The following PPP2CB variants were observed in gnomAD, a reference collection of about 807,000 sequenced individuals.
PPP2CB encodes the protein protein phosphatase 2 catalytic subunit beta.
A neutral mutation model predicts 39.1 loss-of-function variants in PPP2CB; 18 were observed. The ratio of observed to expected loss-of-function variants is 0.46; its 90% CI spans 0.32 to 0.68. The LOEUF is 0.68. Ranked by LOEUF, PPP2CB falls within the 30% of genes least tolerant of loss-of-function variation. The pLI is 0.04. For missense variants in PPP2CB, 226 were observed against 396.9 expected (o/e 0.57, Z 3.66); for synonymous variants, 129 against 133.8 (o/e 0.96, Z 0.25).
intron 1 of PPP2CB, among the ~76,000 whole-genome samples, chr8:30,805,209 A>G (rs1432198873): frequency 6.6e-6 from 1 of 152,234 alleles, no homozygotes; most frequent in African/African-American, 2.4e-5. Context: ...CATCCAGGAC[A>G]TAAATATCAT....
intron 6 of PPP2CB, among the ~76,000 whole-genome samples, chr8:30,787,913 G>A (rs779051245): frequency 3.3e-5 from 5 of 152,148 alleles, no homozygotes; most frequent in Non-Finnish European, 5.9e-5. Context: ...TATTTCTTGA[G>A]TCAGTTTCAG....
chr8:30,804,036 T>C (rs1279395172), intron 1 of PPP2CB, among the ~76,000 whole-genome samples: 1 of 152,148 alleles, frequency 6.6e-6, no homozygotes, highest in Non-Finnish European at 1.5e-5. Flanking sequence ...TTGGCCAGAC[T>C]GGTCTCAAAC....
intron 5 of PPP2CB, 104 bp downstream of exon 5, chr8:30,793,813 A>T: frequency 7.8e-7 from 1 of 1,287,492 alleles, no homozygotes; most frequent in Non-Finnish European, 1.0e-6. Flanking sequence ...CTTTTCACCT[A>T]GGTAATAAAT....
chr8:30,806,020 C>T (rs917227091), intron 1 of PPP2CB, among the ~76,000 whole-genome samples: 4 of 151,598 alleles, frequency 2.6e-5, no homozygotes, highest in African/African-American at 4.8e-5. Flanking sequence ...CTGTAATACA[C>T]AGAACTCCTT....
At chr8:30,792,155 C>A (rs1384742898) in intron 5 of PPP2CB, among the ~76,000 whole-genome samples, 1 of 151,640 alleles carries the variant, frequency 6.6e-6, no homozygotes, top group Non-Finnish European at 1.5e-5. Context: ...CTCCTGGGTT[C>A]AAGCAATTCT....
At chr8:30,803,840 G>A (rs780047429) in intron 1 of PPP2CB, among the ~76,000 whole-genome samples, 7 of 148,052 alleles carry the variant, frequency 4.7e-5, no homozygotes, top group South Asian at 2.1e-4. Context: ...TTTTTGAGAC[G>A]GAGTCCTGCT....
intron 1 of PPP2CB, among the ~76,000 whole-genome samples, chr8:30,803,968 G>A (rs4733514): frequency 0.07 from 10,574 of 152,006 alleles, 555 homozygotes; most frequent in Admixed American, 0.19. Flanking sequence ...GATTACAGGC[G>A]CGTGCCACCA....
At chr8:30,787,252 G>A (rs1456829107) in intron 6 of PPP2CB, among the ~76,000 whole-genome samples, 1 of 152,164 alleles carries the variant, frequency 6.6e-6, no homozygotes, top group Admixed American at 6.5e-5. Flanking sequence ...TCTACTTTTG[G>A]TATCAAGGAT....
At chr8:30,806,526 A>C (rs1377128777) in intron 1 of PPP2CB, among the ~76,000 whole-genome samples, 2 of 152,216 alleles carry the variant, frequency 1.3e-5, no homozygotes, top group African/African-American at 4.8e-5. Flanking sequence ...AAAACAATAA[A>C]AAATTTCTAT....
chr8:30,791,987 C>T (rs927284056), intron 5 of PPP2CB, among the ~76,000 whole-genome samples: 1 of 150,650 alleles, frequency 6.6e-6, no homozygotes, highest in Non-Finnish European at 1.5e-5. Flanking sequence ...TGTATATATA[C>T]GTGTGCATAT....
At chr8:30,804,605 T>C (rs553353430) in intron 1 of PPP2CB, among the ~76,000 whole-genome samples, 1 of 152,190 alleles carries the variant, frequency 6.6e-6, no homozygotes, top group Non-Finnish European at 1.5e-5. Flanking sequence ...CTGTGAGTCA[T>C]TCCTGTGAAT....
At chr8:30,805,616 G>A (rs1410080965) in intron 1 of PPP2CB, among the ~76,000 whole-genome samples, 1 of 151,878 alleles carries the variant, frequency 6.6e-6, no homozygotes, top group Non-Finnish European at 1.5e-5. Context: ...CCTACACACC[G>A]TATCCTGCAT....
At chr8:30,812,219 T>C in intron 1 of PPP2CB, 101 bp downstream of exon 1, 1 of 834,888 alleles carries the variant, frequency 1.2e-6, no homozygotes, top group Non-Finnish European at 1.6e-6. Context: ...AGGCCCCCGG[T>C]GGGCCGCGCC....
At chr8:30,800,887 G>C (rs1806609652) in intron 1 of PPP2CB, among the ~76,000 whole-genome samples, 1 of 152,168 alleles carries the variant, frequency 6.6e-6, no homozygotes, top group East Asian at 1.9e-4. Context: ...CCGAGAGGAA[G>C]AAACAACCGG....
At chr8:30,787,001 G>C (rs370092416) in intron 6 of PPP2CB, among the ~76,000 whole-genome samples, 1 of 152,116 alleles carries the variant, frequency 6.6e-6, no homozygotes, top group Middle Eastern at 3.4e-3. Flanking sequence ...CTGGCTAGTG[G>C]ATTTTTCCAA....
intron 1 of PPP2CB, among the ~76,000 whole-genome samples, chr8:30,810,995 T>C (rs552146208): frequency 4.0e-4 from 61 of 152,338 alleles, no homozygotes; most frequent in Non-Finnish European, 7.2e-4. Context: ...TAAAATAACA[T>C]CGTTACTTCT....
intron 3 of PPP2CB, 21 bp downstream of exon 3, chr8:30,797,560 T>C (rs1806547763): frequency 6.3e-7 from 1 of 1,581,200 alleles, no homozygotes; most frequent in South Asian, 1.1e-5. Flanking sequence ...CCTCCCAAGA[T>C]GTAAGCACAC....
At chr8:30,801,861 C>A (rs1735623520) in intron 1 of PPP2CB, among the ~76,000 whole-genome samples, 1 of 152,100 alleles carries the variant, frequency 6.6e-6, no homozygotes, top group African/African-American at 2.4e-5. Flanking sequence ...ATGCGCCCAG[C>A]CCAGACTCTT....
intron 6 of PPP2CB, among the ~76,000 whole-genome samples, chr8:30,788,800 GT>G (rs1483744184): frequency 6.6e-6 from 1 of 152,204 alleles, no homozygotes; most frequent in East Asian, 1.9e-4. Flanking sequence ...AAGAGAAACA[GT>G]TTCTGTTGCT....
Sources: gnomAD v4.1 joint callset for allele counts (sites outside exome capture counted in the v4.1 genomes callset) on GRCh38, gnomAD v4.1.1 for gene constraint, MANE v1.5 for transcripts, NCBI Gene and HGNC (gene_info 2026-07-23, HGNC 2026-07-21) for gene names.